TTLL5: variants seen among roughly 807,000 people sequenced by gnomAD.
The protein encoded by TTLL5 is tubulin polyglutamylase TTLL5.
A neutral mutation model predicts 168.4 loss-of-function variants in TTLL5; 132 were observed. The observed-to-expected ratio is 0.78, with a 90% confidence interval of 0.68 to 0.91. The LOEUF is 0.91. Among genes scored for constraint, TTLL5 ranks in the 40% least tolerant of loss-of-function variants. The pLI, the probability that TTLL5 is intolerant of heterozygous loss-of-function variation, is 0.00. For synonymous variants in TTLL5, 546 were observed against 558.6 expected (o/e 0.98, Z 0.32); for missense variants, 1,545 against 1,581.5 (o/e 0.98, Z 0.39).
intron 26 of TTLL5, among the ~76,000 whole-genome samples, chr14:75,784,200 C>T (rs1231132419): frequency 6.6e-6 from 1 of 152,176 alleles, no homozygotes; most frequent in Non-Finnish European, 1.5e-5. Flanking sequence ...TTCTTCCTCC[C>T]CCAAGCCCCT....
chr14:75,792,319 A>G (rs75956214), intron 26 of TTLL5, among the ~76,000 whole-genome samples: 1 of 151,916 alleles, frequency 6.6e-6, no homozygotes, highest in Non-Finnish European at 1.5e-5. Context: ...ACATGTATAC[A>G]TATGTAACAA....
At chr14:75,733,376 G>T (rs997412609) in intron 13 of TTLL5, among the ~76,000 whole-genome samples, 1 of 152,150 alleles carries the variant, frequency 6.6e-6, no homozygotes, top group African/African-American at 2.4e-5. Flanking sequence ...CCGCAGGGAG[G>T]CCTCTTGCTT....
intron 28 of TTLL5, among the ~76,000 whole-genome samples, chr14:75,850,526 T>C (rs545162515): frequency 2.6e-5 from 4 of 151,768 alleles, no homozygotes; most frequent in African/African-American, 7.3e-5. Flanking sequence ...CCAGTGTTTA[T>C]CAATGAATTT....
In TTLL5 at chr14:75,789,815, C is replaced by T. The variant is rs369761359; in HGVS notation, c.2987-3101C>T. ...ATCACATTGATCTCTGTATTCAATA[C>T]GGTTCCAATCAAAATCTCAACAAGT... On this transcript the variant is annotated intron_variant, in intron 26 of 31. Coordinates refer to ENST00000298832, the MANE Select transcript of TTLL5 (RefSeq NM_015072.5). 7.2e-5 allele frequency among the ~76,000 whole-genome samples: 11 copies of T among 152,266 alleles called. No homozygotes were observed. In the East Asian group the frequency reaches 1.3e-3, roughly 19 times the overall value.
chr14:75,766,961 C>T (rs1308160474), intron 20 of TTLL5, among the ~76,000 whole-genome samples: 2 of 152,114 alleles, frequency 1.3e-5, no homozygotes, highest in South Asian at 2.1e-4. Flanking sequence ...GTCAGGAGTT[C>T]GAGACCAGCC....
At chr14:75,906,305 T>A (rs1009608306) in intron 31 of TTLL5, among the ~76,000 whole-genome samples, 3 of 152,116 alleles carry the variant, frequency 2.0e-5, no homozygotes, top group African/African-American at 7.2e-5. Context: ...TGGAGTACAG[T>A]CACATAAAAC....
At chr14:75,876,526 T>A (rs1489395301) in intron 29 of TTLL5, among the ~76,000 whole-genome samples, 1 of 152,196 alleles carries the variant, frequency 6.6e-6, no homozygotes, top group Non-Finnish European at 1.5e-5. Context: ...GAGGATATGT[T>A]GGAAGGCTTC....
At chr14:75,733,388 T>C (rs1469175480) in intron 13 of TTLL5, among the ~76,000 whole-genome samples, 1 of 152,170 alleles carries the variant, frequency 6.6e-6, no homozygotes, top group African/African-American at 2.4e-5. Context: ...CTCTTGCTTT[T>C]GGTCGATGTT....
chr14:75,668,548 C>T (rs1001025732), intron 2 of TTLL5, among the ~76,000 whole-genome samples: 1 of 152,198 alleles, frequency 6.6e-6, no homozygotes, highest in Non-Finnish European at 1.5e-5. Flanking sequence ...AAATATTCAT[C>T]AGCCTAAAAT....
chr14:75,893,485 C>T (rs1161558143), intron 30 of TTLL5, among the ~76,000 whole-genome samples: 3 of 152,206 alleles, frequency 2.0e-5, no homozygotes, highest in African/African-American at 7.2e-5. Flanking sequence ...TGATAATAAA[C>T]TTTCAGTCTA....
rs117862709 is a variant in TTLL5 at position 75,697,171 on chromosome 14, A to G, written c.503-2017A>G. On this transcript the variant is annotated intron_variant, in intron 6 of 31. Coordinates refer to ENST00000298832, the MANE Select transcript of TTLL5 (RefSeq NM_015072.5). ...TGTTTATGGCTACTTTCAAGCTACA[A>G]TTGCAGAGTTAGGTACTGCCACAGA... Among the ~76,000 whole-genome samples the G allele has an allele frequency of 1.3e-3, 204 of 152,346 alleles. 9 individuals are homozygous for G. In the East Asian group the frequency reaches 0.035, roughly 26 times the overall value.
rs745935869 is a variant in TTLL5, at chr14:75,745,153, G to C, written c.1340G>C (p.Arg447Pro). 7 of 1,613,924 alleles carry C rather than the reference G, an allele frequency of 4.3e-6. No homozygotes were observed. In the Admixed American group the frequency reaches 1.2e-4, roughly 27 times the overall value. Residue 447 changes from arginine (R) to proline (P), a missense_variant, in exon 16 of 32, where the codon CGG becomes CCG. Coordinates refer to ENST00000298832, the MANE Select transcript of TTLL5 (RefSeq NM_015072.5). ...AEMKNLVGSA[R>P]EKGPGKLGGS... ...ATGAAAAACCTCGTGGGCTCAGCCC[G>C]GGAGAAAGGGCCAGGGAAGTTGGGT...
intron 30 of TTLL5, among the ~76,000 whole-genome samples, chr14:75,883,529 G>A (rs759338909): frequency 2.0e-5 from 3 of 152,152 alleles, no homozygotes; most frequent in Admixed American, 6.5e-5. Flanking sequence ...TTTTTGTGTC[G>A]CAGACATTTG....
chr14:75,953,251 C>T (rs911524368), intron 31 of TTLL5, among the ~76,000 whole-genome samples: 2 of 152,176 alleles, frequency 1.3e-5, no homozygotes, highest in African/African-American at 2.4e-5. Context: ...AATACTGCTC[C>T]ACATGTAGAG....
At chr14:75,778,444 A>C (rs1006109228) in intron 23 of TTLL5, among the ~76,000 whole-genome samples, 2 of 152,232 alleles carry the variant, frequency 1.3e-5, no homozygotes, top group African/African-American at 4.8e-5. Flanking sequence ...GTATTCTGTG[A>C]AGGGCCAAAT....
intron 3 of TTLL5, among the ~76,000 whole-genome samples, chr14:75,674,439 C>T (rs1474573491): frequency 2.0e-5 from 3 of 152,154 alleles, no homozygotes; most frequent in African/African-American, 7.2e-5. Context: ...CAATAGTTAC[C>T]TTCTGTTGAT....
At chr14:75,685,782 T>C (rs1218508776) in intron 5 of TTLL5, among the ~76,000 whole-genome samples, 1 of 152,208 alleles carries the variant, frequency 6.6e-6, no homozygotes, top group African/African-American at 2.4e-5. Context: ...CCTAGAAAGC[T>C]ATATATTTAA....
intron 28 of TTLL5, among the ~76,000 whole-genome samples, chr14:75,859,681 G>A (rs1444421328): frequency 6.6e-6 from 1 of 152,104 alleles, no homozygotes; most frequent in African/African-American, 2.4e-5. Context: ...AACATTATTA[G>A]AAAAATAGAA....
chr14:75,901,502 T>A (rs1171329464), intron 30 of TTLL5, among the ~76,000 whole-genome samples: 1 of 152,206 alleles, frequency 6.6e-6, no homozygotes, highest in African/African-American at 2.4e-5. Flanking sequence ...TGTGTACATT[T>A]CTCAGTCTTG....
Sources: allele counts gnomAD v4.1 joint callset (sites outside exome capture counted in the v4.1 genomes callset), GRCh38; gene constraint gnomAD v4.1.1; transcripts MANE v1.5; gene names NCBI Gene and HGNC (gene_info 2026-07-23, HGNC 2026-07-21).